Variants in PTPRM observed in about 807,000 individuals in gnomAD.
PTPRM encodes protein tyrosine phosphatase receptor type M.
A neutral mutation model predicts 186.7 loss-of-function variants in PTPRM; 47 were observed. That is an observed-to-expected ratio of 0.25 (90% CI 0.20 to 0.32). The LOEUF is 0.32. PTPRM is among the 10% of genes least tolerant of loss of function. PTPRM has a pLI of 1.00. For synonymous variants in PTPRM, 668 were observed against 674.9 expected (o/e 0.99, Z 0.16); for missense variants, 1,494 against 1,865.0 (o/e 0.80, Z 3.66).
chr18:7,743,977 A>C (rs1291893357), intron 1 of PTPRM, among the ~76,000 whole-genome samples: 3 of 152,186 alleles, frequency 2.0e-5, no homozygotes, highest in Non-Finnish European at 4.4e-5. Context: ...CAGGCTTCTG[A>C]CTTAGATTTT....
chr18:7,666,605 T>C (rs2039101775), intron 1 of PTPRM, among the ~76,000 whole-genome samples: 2 of 152,240 alleles, frequency 1.3e-5, no homozygotes, highest in South Asian at 4.1e-4. Context: ...GGCTGTCTTC[T>C]GGAAACCCAA....
At chr18:7,843,097 A>T (rs2046433660) in intron 2 of PTPRM, among the ~76,000 whole-genome samples, 1 of 151,902 alleles carries the variant, frequency 6.6e-6, no homozygotes, top group Non-Finnish European at 1.5e-5. Context: ...TTTTACAGAT[A>T]AAAGCACAGA....
chr18:7,650,645 T>C (rs2038678457), intron 1 of PTPRM, among the ~76,000 whole-genome samples: 1 of 152,152 alleles, frequency 6.6e-6, no homozygotes. Flanking sequence ...GGAAGACTCT[T>C]ATAGGCACTA....
At chr18:7,710,556 CAA>C (rs1419508831) in intron 1 of PTPRM, among the ~76,000 whole-genome samples, 5 of 152,012 alleles carry the variant, frequency 3.3e-5, no homozygotes, top group South Asian at 4.1e-4. Flanking sequence ...AGCAGTTAAA[CAA>C]GAGAAAAAAA....
chr18:7,695,864 CATA>C (rs762154104), intron 1 of PTPRM, among the ~76,000 whole-genome samples: 3 of 152,198 alleles, frequency 2.0e-5, no homozygotes, highest in South Asian at 2.1e-4. Context: ...ACATTGTTCT[CATA>C]ATCATTTAAA....
At chr18:8,241,672 TAC>T (rs1469212971) in intron 14 of PTPRM, among the ~76,000 whole-genome samples, 1 of 152,208 alleles carries the variant, frequency 6.6e-6, no homozygotes, top group Admixed American at 6.5e-5. Context: ...TTTATTGTCT[TAC>T]ACTGTCTTCC....
At chr18:7,881,009 A>T (rs1045619228) in intron 2 of PTPRM, among the ~76,000 whole-genome samples, 1 of 152,200 alleles carries the variant, frequency 6.6e-6, no homozygotes, top group African/African-American at 2.4e-5. Flanking sequence ...TAGAAAATGT[A>T]CATGCAGTAC....
intron 14 of PTPRM, among the ~76,000 whole-genome samples, chr18:8,166,953 G>A (rs761145783): frequency 2.0e-5 from 3 of 152,146 alleles, no homozygotes; most frequent in Non-Finnish European, 4.4e-5. Flanking sequence ...AAAATTCTGT[G>A]ACTTGAATTA....
intron 13 of PTPRM, among the ~76,000 whole-genome samples, chr18:8,120,669 T>C (rs1223292139): frequency 6.6e-6 from 1 of 152,020 alleles, no homozygotes; most frequent in Non-Finnish European, 1.5e-5. Flanking sequence ...CTAATTTTTG[T>C]AATTTTTTTA....
intron 7 of PTPRM, among the ~76,000 whole-genome samples, chr18:8,068,345 AT>A (rs1437559841): frequency 6.6e-6 from 1 of 152,188 alleles, no homozygotes; most frequent in Non-Finnish European, 1.5e-5. Flanking sequence ...AACACAAAAC[AT>A]TTTAGGTTAG....
chr18:7,840,029 T>C, intron 2 of PTPRM, among the ~76,000 whole-genome samples: 1 of 140,418 alleles, frequency 7.1e-6, no homozygotes, highest in African/African-American at 2.6e-5. Flanking sequence ...ACAGAAATAC[T>C]CTCTGCACCA....
chr18:7,662,116 T>G (rs2038993936), intron 1 of PTPRM, among the ~76,000 whole-genome samples: 1 of 151,984 alleles, frequency 6.6e-6, no homozygotes, highest in Non-Finnish European at 1.5e-5. Flanking sequence ...TTGTATTTTT[T>G]GTAGAGATGA....
intron 5 of PTPRM, among the ~76,000 whole-genome samples, chr18:7,945,997 G>A (rs1299961228): frequency 6.6e-6 from 1 of 152,170 alleles, no homozygotes; most frequent in Non-Finnish European, 1.5e-5. Flanking sequence ...ATGTGATTAA[G>A]TACAGGAGTT....
chr18:8,136,925 A>G (rs1600766879), intron 13 of PTPRM, among the ~76,000 whole-genome samples: 1 of 152,340 alleles, frequency 6.6e-6, no homozygotes, highest in South Asian at 2.1e-4. Flanking sequence ...ACCTCTGCAT[A>G]TGTTCACACA....
chr18:8,343,548 C>T, intron 23 of PTPRM, 28 bp downstream of exon 23: 1 of 1,598,368 alleles, frequency 6.3e-7, no homozygotes, highest in Non-Finnish European at 8.6e-7. Flanking sequence ...TGCAAATGGC[C>T]ATTTTGTTCC....
chr18:7,692,549 G>A (rs1317702706), intron 1 of PTPRM, among the ~76,000 whole-genome samples: 1 of 152,178 alleles, frequency 6.6e-6, no homozygotes, highest in Admixed American at 6.5e-5. Flanking sequence ...TCCTTTAATG[G>A]TATTATTAAG....
rs114307092 is a variant in PTPRM, at chr18:8,331,544, A to G, written c.2957-11879A>G. Among the ~76,000 whole-genome samples the G allele has an allele frequency of 5.4e-3, 819 of 152,342 alleles. 9 individuals are homozygous for G. The highest frequency in any genetic ancestry group is 0.019 in the African/African-American group (772 of 41,578). On this transcript the variant is annotated intron_variant, in intron 22 of 32. Coordinates refer to ENST00000580170, the MANE Select transcript of PTPRM (RefSeq NM_001105244.2). ...AGCTCTGCAAGTAACCTCTCAATAG[A>G]TATTAGCTACTTATTGTTATTATCA...
intron 3 of PTPRM, among the ~76,000 whole-genome samples, chr18:7,894,619 AT>A (rs963115848): frequency 2.4e-4 from 36 of 151,376 alleles, no homozygotes; most frequent in African/African-American, 4.8e-4. Context: ...ATTTTTTAAT[AT>A]TTTTTTTCCA....
At chr18:7,893,300 C>G (rs1482230171) in intron 3 of PTPRM, among the ~76,000 whole-genome samples, 2 of 152,182 alleles carry the variant, frequency 1.3e-5, no homozygotes, top group Non-Finnish European at 2.9e-5. Context: ...CGTTTAACGA[C>G]TGGATGGCTA....
Sources: gnomAD v4.1 joint callset for allele counts (sites outside exome capture counted in the v4.1 genomes callset) on GRCh38, gnomAD v4.1.1 for gene constraint, MANE v1.5 for transcripts, NCBI Gene and HGNC (gene_info 2026-07-23, HGNC 2026-07-21) for gene names.